The following FBXO16 variants were observed in gnomAD, a reference collection of about 807,000 sequenced individuals.
FBXO16 encodes F-box protein 16, also known as F-box only protein 16.
Under a neutral mutation model 41.0 loss-of-function variants are expected in FBXO16, and 31 were observed. That is an observed-to-expected ratio of 0.76 (90% CI 0.57 to 1.02). FBXO16 has a LOEUF of 1.02. Among genes scored for constraint, FBXO16 ranks in the 50% least tolerant of loss-of-function variants. The pLI is 0.00. For synonymous variants in FBXO16, 133 were observed against 117.8 expected (o/e 1.13, Z -0.84); for missense variants, 361 against 346.2 (o/e 1.04, Z -0.34).
intron 1 of FBXO16, among the ~76,000 whole-genome samples, chr8:28,486,313 C>T (rs983875237): frequency 6.6e-6 from 1 of 151,024 alleles, no homozygotes; most frequent in African/African-American, 2.4e-5. Flanking sequence ...CAACCTCCGC[C>T]TCCTGGGTTC....
At chr8:28,481,471 G>A (rs1233946674) in intron 2 of FBXO16, among the ~76,000 whole-genome samples, 2 of 152,154 alleles carry the variant, frequency 1.3e-5, no homozygotes, top group Non-Finnish European at 2.9e-5. Context: ...ACTTCTCTGT[G>A]TGCCTCTCAC....
At chr8:28,489,901 A>G (rs1221662633) in intron 1 of FBXO16, among the ~76,000 whole-genome samples, 2 of 152,248 alleles carry the variant, frequency 1.3e-5, no homozygotes, top group Non-Finnish European at 2.9e-5. Flanking sequence ...TCAGGAAATT[A>G]TCAAGAAATA....
At chr8:28,484,511 C>T (rs1406242070) in intron 1 of FBXO16, among the ~76,000 whole-genome samples, 1 of 152,202 alleles carries the variant, frequency 6.6e-6, no homozygotes, top group African/African-American at 2.4e-5. Flanking sequence ...CCTGTCCTTC[C>T]CCAGCCAAGA....
intron 7 of FBXO16, among the ~76,000 whole-genome samples, chr8:28,433,927 G>C (rs1406397443): frequency 6.7e-6 from 1 of 148,804 alleles, no homozygotes; most frequent in Non-Finnish European, 1.5e-5. Context: ...ATACCAGCTT[G>C]TCTACAGACC....
chr8:28,474,360 GAA>G (rs1803389278), intron 2 of FBXO16, among the ~76,000 whole-genome samples: 1 of 92,970 alleles, frequency 1.1e-5, no homozygotes, highest in South Asian at 3.4e-4. Context: ...AAAAGAGAGA[GAA>G]AGAAGAAAAG....
At chr8:28,470,583 C>G (rs1720416843) in intron 3 of FBXO16, among the ~76,000 whole-genome samples, 1 of 152,190 alleles carries the variant, frequency 6.6e-6, no homozygotes, top group Admixed American at 6.5e-5. Context: ...TCCAGTGAAT[C>G]CTTTCTTACA....
intron 6 of FBXO16, among the ~76,000 whole-genome samples, chr8:28,450,734 T>C (rs991447121): frequency 1.3e-5 from 2 of 152,116 alleles, no homozygotes; most frequent in Non-Finnish European, 2.9e-5. Flanking sequence ...TGGTTTGTAC[T>C]GGGCTGGCAC....
intron 3 of FBXO16, among the ~76,000 whole-genome samples, chr8:28,469,402 G>C (rs891925714): frequency 6.6e-6 from 1 of 152,026 alleles, no homozygotes; most frequent in Non-Finnish European, 1.5e-5. Flanking sequence ...CATGATCATC[G>C]TGCACTACAG....
At chr8:28,438,961 G>A (rs1042399945) in intron 7 of FBXO16, among the ~76,000 whole-genome samples, 4 of 151,906 alleles carry the variant, frequency 2.6e-5, no homozygotes, top group Non-Finnish European at 2.9e-5. Flanking sequence ...TCAGCCGGGC[G>A]TGGTGGCAAG....
At chr8:28,489,974 C>T (rs113301056) in intron 1 of FBXO16, among the ~76,000 whole-genome samples, 39 of 152,290 alleles carry the variant, frequency 2.6e-4, no homozygotes, top group African/African-American at 8.9e-4. Context: ...AAAGCAAGAA[C>T]TATAACACAA....
rs190811373 is a variant in FBXO16 at position 28,467,586 on chromosome 8, T to A, written c.136-3768A>T. On this transcript the variant is annotated intron_variant, in intron 3 of 8. Transcript: ENST00000380254. ...AATATGTATGTGGGTTAAGTAACTA[T>A]AAAAAGATGTGCGCATAAAATTACC... is the stretch of plus-strand genomic sequence containing the variant. 4.6e-4 allele frequency among the ~76,000 whole-genome samples: 70 copies of A among 152,314 alleles called. 1 individual carries two copies. Among genetic ancestry groups the A allele is most frequent in the African/African-American group, 1.6e-3 (68 of 41,582 alleles).
At chr8:28,455,821 T>C (rs2130135524) in intron 5 of FBXO16, 1 of 152,316 alleles carries the variant, frequency 6.6e-6, no homozygotes, top group Non-Finnish European at 1.5e-5. Context: ...TGTAACAATA[T>C]TAATTATGCA....
intron 4 of FBXO16, among the ~76,000 whole-genome samples, chr8:28,462,129 G>A (rs1404431971): frequency 1.3e-5 from 2 of 151,472 alleles, no homozygotes; most frequent in East Asian, 1.9e-4. Context: ...TTGTAAAGAC[G>A]AGGTCTCCCT....
At chr8:28,432,174 T>C (rs1413375954) in intron 7 of FBXO16, among the ~76,000 whole-genome samples, 1 of 146,228 alleles carries the variant, frequency 6.8e-6, no homozygotes, top group African/African-American at 2.5e-5. Flanking sequence ...TGTGTGACTG[T>C]TACAAATCAA....
At chr8:28,445,479 C>T (rs944118042) in intron 7 of FBXO16, among the ~76,000 whole-genome samples, 1 of 152,168 alleles carries the variant, frequency 6.6e-6, no homozygotes, top group Non-Finnish European at 1.5e-5. Context: ...CCTTCAAATT[C>T]CCCGTTCTCC....
intron 1 of FBXO16, among the ~76,000 whole-genome samples, chr8:28,486,640 G>A (rs1157161508): frequency 2.0e-5 from 3 of 151,946 alleles, no homozygotes; most frequent in Admixed American, 2.0e-4. Flanking sequence ...GGGCAACATC[G>A]AGAGACCTTA....
At position 28,429,366 on chromosome 8, in the gene FBXO16, A is replaced by G. The variant is rs772703476; in HGVS notation, c.869+12T>C. 3.7e-6 allele frequency: 6 copies of G among 1,613,716 alleles called. No homozygotes were observed. In the African/African-American group the frequency reaches 5.3e-5, roughly 14 times the overall value. On this transcript the variant is annotated intron_variant, in intron 8 of 8. Coordinates refer to ENST00000380254, the MANE Select transcript of FBXO16 (RefSeq NM_172366.4). ...GCAAATGTCACAGGTTGATATCACA[A>G]CCGAAACTCACAGTGGGAAGGGATT...
intron 7 of FBXO16, among the ~76,000 whole-genome samples, chr8:28,431,431 C>G (rs1288754688): frequency 5.9e-5 from 9 of 152,178 alleles, no homozygotes; most frequent in Non-Finnish European, 8.8e-5. Context: ...ATGGGGAAGT[C>G]CTATAAATGG....
At chr8:28,486,730 G>A (rs1343397507) in intron 1 of FBXO16, among the ~76,000 whole-genome samples, 1 of 151,944 alleles carries the variant, frequency 6.6e-6, no homozygotes, top group Admixed American at 6.5e-5. Flanking sequence ...TTGGGGTGGG[G>A]GCAGAGGGCT....
Sources: allele counts gnomAD v4.1 joint callset (sites outside exome capture counted in the v4.1 genomes callset), GRCh38; gene constraint gnomAD v4.1.1; transcripts MANE v1.5; gene names NCBI Gene and HGNC (gene_info 2026-07-23, HGNC 2026-07-21).